MSRA: variants seen among roughly 807,000 people sequenced by gnomAD.
MSRA encodes the protein methionine sulfoxide reductase A.
A neutral mutation model predicts 31.3 loss-of-function variants in MSRA; 54 were observed. That is an observed-to-expected ratio of 1.73 (90% CI 1.39 to 2.17). The LOEUF (loss-of-function observed/expected upper bound fraction) is 2.17, where lower values mean the gene tolerates loss of function less well. Ranked by LOEUF, MSRA falls within the 30% of genes most tolerant of loss-of-function variation. The pLI, the probability that MSRA is intolerant of heterozygous loss-of-function variation, is 0.00. For missense variants in MSRA, 507 were observed against 300.9 expected (o/e 1.69, Z -5.07); for synonymous variants, 169 against 116.5 (o/e 1.45, Z -2.90).
At chr8:10,301,714 A>C (rs1444037764) in intron 4 of MSRA, 76 bp downstream of exon 4, 2 of 1,190,462 alleles carry the variant, frequency 1.7e-6, no homozygotes, top group Non-Finnish European at 2.4e-6. Context: ...AGCTGCATGG[A>C]AGAGATGAAC....
At chr8:10,147,070 TGA>T (rs1221803634) in intron 1 of MSRA, among the ~76,000 whole-genome samples, 2 of 151,804 alleles carry the variant, frequency 1.3e-5, no homozygotes, top group African/African-American at 4.8e-5. Context: ...CCGGTTGCAG[TGA>T]GAGTCGAAAT....
At chr8:10,334,561 G>A (rs1369923282) in intron 5 of MSRA, among the ~76,000 whole-genome samples, 2 of 152,140 alleles carry the variant, frequency 1.3e-5, no homozygotes, top group African/African-American at 4.8e-5. Flanking sequence ...AGCCCGCGTG[G>A]TCCCGAGCTC....
chr8:10,134,305 C>T (rs532884536), intron 1 of MSRA, among the ~76,000 whole-genome samples: 1 of 152,222 alleles, frequency 6.6e-6, no homozygotes. Flanking sequence ...AAAAAAGAAG[C>T]CTCCAGCTTC....
intron 1 of MSRA, among the ~76,000 whole-genome samples, chr8:10,098,335 G>T (rs4841278): frequency 6.6e-6 from 1 of 152,178 alleles, no homozygotes; most frequent in African/African-American, 2.4e-5. Flanking sequence ...TACTTGATAC[G>T]TATTATTAAA....
intron 2 of MSRA, among the ~76,000 whole-genome samples, chr8:10,218,371 C>A (rs772923695): frequency 5.1e-4 from 77 of 151,926 alleles, no homozygotes; most frequent in Admixed American, 7.9e-4. Context: ...TGTCTAACTC[C>A]TGAACTCAGG....
intron 5 of MSRA, among the ~76,000 whole-genome samples, chr8:10,351,243 G>GA: frequency 1.8e-5 from 2 of 113,194 alleles, no homozygotes; most frequent in Admixed American, 9.6e-5. Context: ...CTCTGAAGGA[G>GA]ACTTTTTTTT....
chr8:10,388,451 G>A (rs1035020044), intron 5 of MSRA, among the ~76,000 whole-genome samples: 1 of 152,186 alleles, frequency 6.6e-6, no homozygotes, highest in African/African-American at 2.4e-5. Flanking sequence ...TGTGTCTGCA[G>A]TTTCTCAAAA....
chr8:10,328,965 G>A (rs956894734), intron 5 of MSRA, among the ~76,000 whole-genome samples: 1 of 152,158 alleles, frequency 6.6e-6, no homozygotes, highest in Non-Finnish European at 1.5e-5. Flanking sequence ...AGGCTATGCT[G>A]TATATTAAAA....
intron 1 of MSRA, among the ~76,000 whole-genome samples, chr8:10,062,443 C>T (rs1797251200): frequency 6.6e-6 from 1 of 152,160 alleles, no homozygotes; most frequent in South Asian, 2.1e-4. Context: ...CGATATGTAG[C>T]ACTACACAAT....
intron 3 of MSRA, among the ~76,000 whole-genome samples, chr8:10,267,707 A>G (rs982194339): frequency 8.5e-5 from 13 of 152,102 alleles, no homozygotes; most frequent in African/African-American, 2.9e-4. Context: ...GGGATCAGGA[A>G]TGAGTCACTT....
rs372914274 is a variant in MSRA, at chr8:10,125,561, T to C, written c.142+70903T>C. Among the ~76,000 whole-genome samples, 236 of 152,168 alleles carry C rather than the reference T, an allele frequency of 1.6e-3. 3 individuals are homozygous for C. Among genetic ancestry groups the C allele is most frequent in the African/African-American group, 5.3e-3 (218 of 41,508 alleles). ...GTGGTGGGAGATGAGGCTGAGAACA[T>C]TGGGGGCCAGGCTCCTGAACCGGGC... On this transcript the variant is annotated intron_variant, in intron 1 of 5. Transcript: ENST00000317173.
At chr8:10,176,667 G>A (rs933514931) in intron 1 of MSRA, among the ~76,000 whole-genome samples, 2 of 152,168 alleles carry the variant, frequency 1.3e-5, no homozygotes, top group African/African-American at 4.8e-5. Context: ...TTTGACCCAA[G>A]ATACTTCTGT....
chr8:10,322,884 C>A (rs11775021), intron 5 of MSRA, among the ~76,000 whole-genome samples: 1 of 151,898 alleles, frequency 6.6e-6, no homozygotes, highest in Non-Finnish European at 1.5e-5. Flanking sequence ...GAGGTCAGGA[C>A]TTCGAGACCA....
intron 2 of MSRA, among the ~76,000 whole-genome samples, chr8:10,234,441 C>A (rs906427095): frequency 2.6e-5 from 4 of 151,568 alleles, no homozygotes; most frequent in Non-Finnish European, 4.4e-5. Flanking sequence ...TAAGGGTAAA[C>A]ACTAGAAGAA....
chr8:10,286,600 G>A (rs547822943), intron 3 of MSRA, among the ~76,000 whole-genome samples: 1 of 152,358 alleles, frequency 6.6e-6, no homozygotes, highest in East Asian at 1.9e-4. Flanking sequence ...CAAACATCCA[G>A]TTAGATATAC....
At chr8:10,258,523 G>A (rs1366681228) in intron 3 of MSRA, among the ~76,000 whole-genome samples, 1 of 152,168 alleles carries the variant, frequency 6.6e-6, no homozygotes, top group Non-Finnish European at 1.5e-5. Flanking sequence ...TCAATGCCGA[G>A]TTGTCACATC....
chr8:10,119,700 G>A (rs182166238), intron 1 of MSRA, among the ~76,000 whole-genome samples: 4 of 152,330 alleles, frequency 2.6e-5, no homozygotes, highest in Non-Finnish European at 5.9e-5. Flanking sequence ...AGTGAAGACA[G>A]TCGTAAGGGA....
chr8:10,065,746 G>T (rs560378457), intron 1 of MSRA, among the ~76,000 whole-genome samples: 2 of 152,186 alleles, frequency 1.3e-5, no homozygotes, highest in Non-Finnish European at 2.9e-5. Context: ...GCTGTTGCCG[G>T]ATGGTTGGTA....
At chr8:10,281,192 A>G (rs371077449) in intron 3 of MSRA, among the ~76,000 whole-genome samples, 2 of 152,230 alleles carry the variant, frequency 1.3e-5, no homozygotes, top group East Asian at 1.9e-4. Flanking sequence ...TTACCAGAGA[A>G]AAAAGCATTT....
Sources: allele counts gnomAD v4.1 joint callset (sites outside exome capture counted in the v4.1 genomes callset), GRCh38; gene constraint gnomAD v4.1.1; transcripts MANE v1.5; gene names NCBI Gene and HGNC (gene_info 2026-07-23, HGNC 2026-07-21).